Variants in SYNE2 observed in about 807,000 individuals in gnomAD.
SYNE2 encodes the protein nesprin-2.
A neutral mutation model predicts 856.3 loss-of-function variants in SYNE2; 431 were observed. The ratio of observed to expected loss-of-function variants is 0.50; its 90% confidence interval spans 0.47 to 0.55. SYNE2 has a LOEUF of 0.55. SYNE2 is among the 20% of genes least tolerant of loss of function. The pLI, the probability that SYNE2 is intolerant of heterozygous loss-of-function variation, is 0.00. For missense variants in SYNE2, 8,129 were observed against 8,023.2 expected, an observed-to-expected ratio of 1.01 and a Z score of -0.50; for synonymous variants, 2,923 against 2,872.3, an observed-to-expected ratio of 1.02 and a Z score of -0.56.
chr14:64,207,811 A>C (rs1366345505), intron 100 of SYNE2: 2 of 360,288 alleles, frequency 5.6e-6, no homozygotes, highest in African/African-American at 4.3e-5. Flanking sequence ...ATAGAATTTA[A>C]CTTAGTGTTT....
intron 1 of SYNE2, among the ~76,000 whole-genome samples, chr14:63,838,377 G>A (rs1485422111): frequency 6.6e-6 from 1 of 151,950 alleles, no homozygotes; most frequent in Non-Finnish European, 1.5e-5. Flanking sequence ...TTGTGAAGCT[G>A]GTAGCACTCA....
chr14:63,799,183 A>G (rs1336130773), intron 1 of SYNE2, among the ~76,000 whole-genome samples: 1 of 152,128 alleles, frequency 6.6e-6, no homozygotes, highest in Non-Finnish European at 1.5e-5. Context: ...GGTTCAAGCA[A>G]TTCTTCTGTC....
At chr14:64,064,156 G>C (rs2097339512) in intron 50 of SYNE2, among the ~76,000 whole-genome samples, 1 of 152,156 alleles carries the variant, frequency 6.6e-6, no homozygotes, top group African/African-American at 2.4e-5. Context: ...GAAATGAAGT[G>C]ATGAAATGAA....
intron 8 of SYNE2, among the ~76,000 whole-genome samples, chr14:63,956,004 GAAT>G (rs1165379710): frequency 4.6e-5 from 7 of 152,190 alleles, no homozygotes; most frequent in Admixed American, 3.3e-4. Flanking sequence ...AATACTAGAA[GAAT>G]ATTTTCTCAA....
intron 71 of SYNE2, 134 bp from the exon 72 acceptor site, chr14:64,126,193 A>AG: frequency 1.3e-6 from 1 of 760,800 alleles, no homozygotes; most frequent in South Asian, 1.7e-5. Flanking sequence ...TACCTAGTTC[A>AG]CAAAGCGTTT....
chr14:64,086,380 A>G (rs1210285023), intron 57 of SYNE2, among the ~76,000 whole-genome samples: 5 of 152,312 alleles, frequency 3.3e-5, no homozygotes, highest in South Asian at 2.1e-4. Flanking sequence ...TTTCACCAAT[A>G]TGACAGTCTT....
At chr14:63,828,880 A>C (rs1023327348) in intron 1 of SYNE2, among the ~76,000 whole-genome samples, 1 of 152,192 alleles carries the variant, frequency 6.6e-6, no homozygotes, top group African/African-American at 2.4e-5. Context: ...AATCTTTTGC[A>C]GATACCAAGG....
At chr14:63,974,897 T>TATATATATAC (rs2096528147) in intron 11 of SYNE2, among the ~76,000 whole-genome samples, 1 of 35,758 alleles carries the variant, frequency 2.8e-5, no homozygotes, top group Non-Finnish European at 5.1e-5. Flanking sequence ...TGTGTGTATA[T>TATATATATAC]ATATATATAT....
At position 64,113,351 on chromosome 14, in the gene SYNE2, C is replaced by T. The variant is rs2097827716; in HGVS notation, c.12620C>T (p.Pro4207Leu). 1 of 1,613,858 alleles carries T rather than the reference C, an allele frequency of 6.2e-7. No individual in the cohort carries two copies. Among genetic ancestry groups the T allele is most frequent in the African/African-American group, 1.3e-5 (1 of 75,016 alleles). Residue 4207 changes from proline to leucine, a missense_variant, in exon 66 of 116, where the codon CCT becomes CTT. By Grantham distance (98) the Pro-to-Leu change is moderately conservative (BLOSUM62 -3). Transcript: ENST00000555002. Reference protein sequence around the residue: ...RPNQTEEGTTPPIEADTLDSS... With the variant: ...RPNQTEEGTTLPIEADTLDSS... Reference sequence around the variant, plus strand: ...TTGGATTTCTCTTAGGGCACCACACCTCCTATTGAGGCTGACACTCTGGAC... The same window carrying T: ...TTGGATTTCTCTTAGGGCACCACACTTCCTATTGAGGCTGACACTCTGGAC...
At chr14:64,075,292 A>G (rs571668069) in intron 53 of SYNE2, among the ~76,000 whole-genome samples, 36 of 152,260 alleles carry the variant, frequency 2.4e-4, no homozygotes, top group Non-Finnish European at 3.7e-4. Flanking sequence ...AAACTTTCCC[A>G]TACAAATGAG....
chr14:64,130,328 C>G, intron 76 of SYNE2, 80 bp downstream of exon 76: 1 of 1,241,626 alleles, frequency 8.1e-7, no homozygotes, highest in Non-Finnish European at 1.2e-6. Context: ...AGAAAGGATC[C>G]ATTTTTCTTC....
In SYNE2 at chr14:64,026,672, C is replaced by G. The variant is rs2096981715; in HGVS notation, c.6346C>G (p.Leu2116Val). Reference sequence around the variant, plus strand: ...CGAGGCCCCGCTGGTTCAGAAGACCCTCACTGACATCAGCAACCAGTGGGA... The same window carrying G: ...CGAGGCCCCGCTGGTTCAGAAGACCGTCACTGACATCAGCAACCAGTGGGA... ...SSEAPLVQKT[L>V]TDISNQWDNT... Residue 2116 changes from leucine to valine, a missense_variant, in exon 42 of 116, where the codon CTC becomes GTC. Leu to Val is a conservative substitution (Grantham distance 32). Transcript: ENST00000555002. 4 of 1,612,804 alleles carry G rather than the reference C, an allele frequency of 2.5e-6. No individual in the cohort carries two copies. Among genetic ancestry groups the G allele is most frequent in the Middle Eastern group, 1.7e-4 (1 of 6,054 alleles).
In SYNE2 at chr14:64,215,355, G is replaced by A; in HGVS notation, c.19402+1G>A. ...ACAAAAACTTTGAAAGCGTCTTCTGGTAGGCCCCCGCCCATGCATGTGTCA... is the reference window on the plus strand; with the variant it reads ...ACAAAAACTTTGAAAGCGTCTTCTGATAGGCCCCCGCCCATGCATGTGTCA... On this transcript the variant is annotated splice_donor_variant, in intron 107 of 115. Transcript: ENST00000555002. LOFTEE classifies it high-confidence loss of function. 1.2e-6 allele frequency: 2 copies of A among 1,613,984 alleles called. No homozygotes were observed. Among genetic ancestry groups the A allele is most frequent in the Non-Finnish European group, 1.7e-6 (2 of 1,179,994 alleles).
intron 1 of SYNE2, among the ~76,000 whole-genome samples, chr14:63,873,176 T>C (rs1443660452): frequency 6.6e-6 from 1 of 152,234 alleles, no homozygotes; most frequent in Non-Finnish European, 1.5e-5. Context: ...CTACTCATAT[T>C]TGAAAATGGG....
At chr14:63,856,177 A>G (rs1891679848) in intron 1 of SYNE2, among the ~76,000 whole-genome samples, 1 of 152,236 alleles carries the variant, frequency 6.6e-6, no homozygotes, top group Non-Finnish European at 1.5e-5. Flanking sequence ...ACTAAATGAC[A>G]GGGTGGAAAT....
chr14:64,141,358 T>G lies in SYNE2; in HGVS notation c.14994T>G (p.Val4998=). 1 of 1,613,224 alleles carries G rather than the reference T, an allele frequency of 6.2e-7. No individual in the cohort carries two copies. Among genetic ancestry groups the G allele is most frequent in the African/African-American group, 1.3e-5 (1 of 74,988 alleles). ...TCCTTTAGGAGTTTTCAAAAGAAGT[T>G]GATGAAAAATCCTCCTTGAAGACTG... ...INNFFEFSKE[V]DEKSSLKTAV... The change falls in exon 81 of 116, where the codon GTT becomes GTG. Residue 4998 remains valine, a synonymous_variant. Transcript: ENST00000555002.
rs547108224 is a variant in SYNE2 at position 63,985,554 on chromosome 14, G to A, written c.2152-902G>A. On this transcript the variant is annotated intron_variant, in intron 18 of 115. Coordinates refer to ENST00000555002, the MANE Select transcript of SYNE2 (RefSeq NM_182914.3). ...ACTAAGAGCTATATTTGTTTAAATC[G>A]CATATGAGTTTTAGAAATGTGTTTA... is the stretch of plus-strand genomic sequence containing the variant. Among the ~76,000 whole-genome samples, 7 of 151,938 alleles carry A rather than the reference G, an allele frequency of 4.6e-5. No individual in the cohort carries two copies. The East Asian group carries it at 7.7e-4, about 17-fold the overall frequency.
chr14:64,192,071 G>T (rs919556895), intron 99 of SYNE2, among the ~76,000 whole-genome samples: 6 of 152,186 alleles, frequency 3.9e-5, no homozygotes, highest in Non-Finnish European at 8.8e-5. Flanking sequence ...AGACTCTTAG[G>T]TCGTGTGTTT....
intron 66 of SYNE2, among the ~76,000 whole-genome samples, chr14:64,115,786 A>G (rs1402544689): frequency 2.0e-5 from 3 of 152,190 alleles, no homozygotes; most frequent in Non-Finnish European, 2.9e-5. Context: ...GAAACATATA[A>G]AAACCTTAAA....
Sources: allele counts gnomAD v4.1 joint callset (sites outside exome capture counted in the v4.1 genomes callset), GRCh38; gene constraint gnomAD v4.1.1; transcripts MANE v1.5; gene names NCBI Gene and HGNC (gene_info 2026-07-23, HGNC 2026-07-21).